ARMC2: variants seen among roughly 807,000 people sequenced by gnomAD.
ARMC2 encodes the protein armadillo repeat containing 2, also known as armadillo repeat-containing protein 2.
Under a neutral mutation model 90.3 loss-of-function variants are expected in ARMC2, and 67 were observed. That is an observed-to-expected ratio of 0.74 (90% CI 0.61 to 0.91). The LOEUF (loss-of-function observed/expected upper bound fraction) is 0.91, where lower values mean the gene tolerates loss of function less well. Ranked by LOEUF, ARMC2 falls within the 40% of genes least tolerant of loss-of-function variation. ARMC2 has a pLI of 0.00. For missense variants in ARMC2, 920 were observed against 1,030.9 expected (o/e 0.89, Z 1.47); for synonymous variants, 393 against 393.0 (o/e 1.00, Z 0.00).
chr6:108,940,882 A>G (rs1207480462), intron 12 of ARMC2, among the ~76,000 whole-genome samples: 1 of 152,162 alleles, frequency 6.6e-6, no homozygotes, highest in African/African-American at 2.4e-5. Context: ...CTCTAGTGAA[A>G]CTAGTTGTCC....
chr6:108,959,981 C>T (rs1299796495), intron 13 of ARMC2, among the ~76,000 whole-genome samples: 2 of 152,118 alleles, frequency 1.3e-5, no homozygotes, highest in Non-Finnish European at 2.9e-5. Context: ...ACACCACACC[C>T]GGCTAATTTT....
At chr6:108,964,853 G>A in intron 16 of ARMC2, 127 bp from the exon 17 acceptor site, 2 of 718,516 alleles carry the variant, frequency 2.8e-6, no homozygotes. Flanking sequence ...TATAGATAAG[G>A]AATTATTTTA....
chr6:109,000,668 C>T, the ARMC2 span: 137 of 1,567,788 alleles, frequency 8.7e-5, 1 homozygote, highest in South Asian at 7.6e-4. Flanking sequence ...GATGTCTTGC[C>T]GCAGCCTTAA....
chr6:108,939,476 C>T (rs1160698622), intron 12 of ARMC2, among the ~76,000 whole-genome samples: 4 of 152,118 alleles, frequency 2.6e-5, no homozygotes, highest in African/African-American at 9.7e-5. Context: ...GCACCTCCCC[C>T]TGCTCTCTCT....
rs776578969 is a variant in ARMC2 at position 108,897,683 on chromosome 6, G to A, written c.749-2011G>A. On this transcript the variant is annotated intron_variant, in intron 6 of 17. Coordinates refer to ENST00000392644, the MANE Select transcript of ARMC2 (RefSeq NM_032131.6). Reference sequence around the variant, plus strand: ...GGGTGGGATAGGTAGATTGCACAGCGTCCCTGCTTCTCCTGGGTGACATCA... The same window carrying A: ...GGGTGGGATAGGTAGATTGCACAGCATCCCTGCTTCTCCTGGGTGACATCA... Among the ~76,000 whole-genome samples, 51 of 151,950 alleles carry A rather than the reference G, an allele frequency of 3.4e-4. 1 individual carries two copies. Among genetic ancestry groups the A allele is most frequent in the Non-Finnish European group, 6.0e-4 (41 of 68,000 alleles).
At chr6:108,879,233 C>T (rs1230548886) in intron 5 of ARMC2, among the ~76,000 whole-genome samples, 6 of 151,592 alleles carry the variant, frequency 4.0e-5, no homozygotes, top group African/African-American at 1.5e-4. Context: ...TATATCTCCC[C>T]ATCCATCCAC....
downstream of ARMC2, among the ~76,000 whole-genome samples, chr6:108,975,354 C>T (rs1583247648): frequency 6.6e-6 from 1 of 152,062 alleles, no homozygotes; most frequent in Non-Finnish European, 1.5e-5. Flanking sequence ...TTTATGGCTT[C>T]ATAGTATTCC....
chr6:108,973,616 A>G lies in ARMC2; in HGVS notation c.*102A>G. 8.1e-7 allele frequency: 1 copy of G among 1,230,930 alleles called. No individual in the cohort carries two copies. The highest frequency in any genetic ancestry group is 1.1e-6 in the Non-Finnish European group (1 of 907,960). The allele number at this position is 1,230,930 out of a possible 1,614,324, so 76.3% of individuals were successfully genotyped here. On this transcript the variant is annotated 3_prime_UTR_variant, in exon 18 of 18. Coordinates refer to ENST00000392644, the MANE Select transcript of ARMC2 (RefSeq NM_032131.6). Reference sequence around the variant, plus strand: ...TTTTTCAGCATTAACAAATGTGGAAAGTTTTTCAAGAACTGGTTTTAGTGA... The same window carrying G: ...TTTTTCAGCATTAACAAATGTGGAAGGTTTTTCAAGAACTGGTTTTAGTGA...
At chr6:108,891,208 G>A (rs1057381740) in intron 5 of ARMC2, among the ~76,000 whole-genome samples, 3 of 152,192 alleles carry the variant, frequency 2.0e-5, no homozygotes, top group African/African-American at 7.2e-5. Context: ...GCTGCAATAT[G>A]CATACGTGTG....
chr6:108,941,800 A>G, intron 12 of ARMC2, among the ~76,000 whole-genome samples: 1 of 152,198 alleles, frequency 6.6e-6, no homozygotes, highest in East Asian at 1.9e-4. Context: ...TTATGAGCCC[A>G]TGAGAGTCAT....
intron 4 of ARMC2, among the ~76,000 whole-genome samples, chr6:108,869,718 G>A (rs1042567111): frequency 6.6e-6 from 1 of 152,020 alleles, no homozygotes; most frequent in Non-Finnish European, 1.5e-5. Flanking sequence ...AATTTGAATG[G>A]GACTTCTACT....
intron 10 of ARMC2, among the ~76,000 whole-genome samples, chr6:108,924,318 G>A (rs1465394019): frequency 6.6e-6 from 1 of 152,130 alleles, no homozygotes; most frequent in Non-Finnish European, 1.5e-5. Context: ...AGGAGTTCAA[G>A]ACCAGCCTGG....
chr6:109,022,972 A>C, the ARMC2 span, among the ~76,000 whole-genome samples: 1 of 151,954 alleles, frequency 6.6e-6, no homozygotes, highest in African/African-American at 2.4e-5. Flanking sequence ...AGGGACCCTA[A>C]CTCCTACCAT....
At chr6:108,853,919 G>C (rs1202971696) in intron 1 of ARMC2, among the ~76,000 whole-genome samples, 1 of 152,028 alleles carries the variant, frequency 6.6e-6, no homozygotes, top group Non-Finnish European at 1.5e-5. Flanking sequence ...TTTTTTGTAG[G>C]CTGAAGACCA....
Position 108,973,628 on chromosome 6 carries a change from A to G in ARMC2, c.*114A>G. 1.7e-6 allele frequency: 2 copies of G among 1,146,942 alleles called. No homozygotes were observed. Among genetic ancestry groups the G allele is most frequent in the South Asian group, 4.5e-5 (2 of 44,802 alleles). The allele number at this position is 1,146,942 out of a possible 1,614,324, so 71.0% of individuals were successfully genotyped here. ...AACAAATGTGGAAAGTTTTTCAAGA[A>G]CTGGTTTTAGTGAGTAGCTGAAGTA... On this transcript the variant is annotated 3_prime_UTR_variant, in exon 18 of 18. Coordinates refer to ENST00000392644, the MANE Select transcript of ARMC2 (RefSeq NM_032131.6).
intron 3 of ARMC2, among the ~76,000 whole-genome samples, chr6:108,862,855 G>A (rs984709870): frequency 6.6e-6 from 1 of 152,192 alleles, no homozygotes; most frequent in Non-Finnish European, 1.5e-5. Flanking sequence ...AGTCAGTCAG[G>A]GAACAGGGAC....
downstream of ARMC2, among the ~76,000 whole-genome samples, chr6:108,974,999 CT>C (rs1427203686): frequency 1.3e-5 from 2 of 151,882 alleles, no homozygotes; most frequent in East Asian, 3.9e-4. Flanking sequence ...CTTTCTCTCT[CT>C]CTTTTTTTTT....
In ARMC2 at chr6:108,885,275, G is replaced by A. The variant is rs146852788; in HGVS notation, c.671+8925G>A. ...GTATGTATTTTAGTCTTGTGCCCAAGCCAACACTATTAAGTACCTTGGAGG... is the reference window on the plus strand; with the variant it reads ...GTATGTATTTTAGTCTTGTGCCCAAACCAACACTATTAAGTACCTTGGAGG... On this transcript the variant is annotated intron_variant, in intron 5 of 17. Coordinates refer to ENST00000392644, the MANE Select transcript of ARMC2 (RefSeq NM_032131.6). 2.1e-3 allele frequency among the ~76,000 whole-genome samples: 326 copies of A among 151,986 alleles called. 3 individuals are homozygous for A. Among genetic ancestry groups the A allele is most frequent in the African/African-American group, 7.6e-3 (314 of 41,446 alleles).
At chr6:108,917,368 T>C (rs1245159626) in intron 10 of ARMC2, among the ~76,000 whole-genome samples, 2 of 152,114 alleles carry the variant, frequency 1.3e-5, no homozygotes. Flanking sequence ...TTTTTCTAAA[T>C]GGAAGTCTCT....
Sources: gnomAD v4.1 joint callset for allele counts (sites outside exome capture counted in the v4.1 genomes callset) on GRCh38, gnomAD v4.1.1 for gene constraint, MANE v1.5 for transcripts, NCBI Gene and HGNC (gene_info 2026-07-23, HGNC 2026-07-21) for gene names.